Variants in SLC44A5 observed in about 807,000 individuals in gnomAD.
SLC44A5 encodes the protein solute carrier family 44 member 5.
In SLC44A5, 57 loss-of-function variants were observed where a neutral mutation model predicts 101.8. That is an observed-to-expected ratio of 0.56 (90% CI 0.45 to 0.70). SLC44A5 has a LOEUF of 0.70. Among genes scored for constraint, SLC44A5 ranks in the 30% least tolerant of loss-of-function variants. The probability of loss-of-function intolerance (pLI) is 0.00; values close to 1 mark genes in which losing one functional copy is unlikely to be tolerated. For synonymous variants in SLC44A5, 281 were observed against 290.9 expected (o/e 0.97, Z 0.35); for missense variants, 737 against 853.1 (o/e 0.86, Z 1.70).
At chr1:75,651,298 G>C in the SLC44A5 span, among the ~76,000 whole-genome samples, 1 of 152,116 alleles carries the variant, frequency 6.6e-6, no homozygotes, top group East Asian at 1.9e-4. Flanking sequence ...TATTTCTCTT[G>C]ACCCTGTAGC....
chr1:75,213,918 C>T lies in SLC44A5; in HGVS notation c.1873+1G>A. 1.3e-6 allele frequency: 2 copies of T among 1,578,090 alleles called. No homozygotes were observed. Among genetic ancestry groups the T allele is most frequent in the Non-Finnish European group, 1.7e-6 (2 of 1,154,662 alleles). On this transcript the variant is annotated splice_donor_variant, in intron 21 of 23. Coordinates refer to ENST00000370859, the MANE Select transcript of SLC44A5 (RefSeq NM_001130058.2). LOFTEE classifies it high-confidence loss of function. Reference sequence around the variant, plus strand: ...TTATTATTTTCATCATGATTACTTACCTATACTTCCAGCAACTAGAAGTTT... The same window carrying T: ...TTATTATTTTCATCATGATTACTTATCTATACTTCCAGCAACTAGAAGTTT...
At chr1:75,689,568 G>A in the SLC44A5 span, among the ~76,000 whole-genome samples, 3 of 152,186 alleles carry the variant, frequency 2.0e-5, no homozygotes, top group African/African-American at 7.2e-5. Context: ...AATAGTCAGG[G>A]AAATAACAAG....
intron 2 of SLC44A5, among the ~76,000 whole-genome samples, chr1:75,430,199 T>C (rs1664536879): frequency 6.6e-6 from 1 of 152,166 alleles, no homozygotes; most frequent in Admixed American, 6.5e-5. Context: ...AAGGGCTTAA[T>C]GAAGTGAGCT....
At chr1:75,675,520 G>A in the SLC44A5 span, among the ~76,000 whole-genome samples, 2 of 151,988 alleles carry the variant, frequency 1.3e-5, no homozygotes, top group African/African-American at 4.8e-5. Flanking sequence ...GGACTGAGAC[G>A]ATCACTCCCT....
intron 2 of SLC44A5, among the ~76,000 whole-genome samples, chr1:75,474,795 C>T (rs180782074): frequency 6.6e-6 from 1 of 152,202 alleles, no homozygotes; most frequent in East Asian, 1.9e-4. Flanking sequence ...AAAAACAATC[C>T]AGAAAATTCT....
intron 3 of SLC44A5, among the ~76,000 whole-genome samples, chr1:75,389,131 A>G (rs1013927320): frequency 2.0e-5 from 3 of 152,308 alleles, no homozygotes; most frequent in Middle Eastern, 6.8e-3. Flanking sequence ...AAAAAGACAT[A>G]TTTGCCCTAA....
chr1:75,615,696 G>T (rs902750820), upstream of SLC44A5, among the ~76,000 whole-genome samples: 2 of 152,056 alleles, frequency 1.3e-5, no homozygotes, highest in African/African-American at 2.4e-5. Context: ...AGGTGCAGCG[G>T]CGCCGCGGTT....
rs60108024 is a variant in SLC44A5 at position 75,352,391 on chromosome 1, T to TC, written c.53-12762dup. ...CCCAACAGGCCCAAGTGTGTGTTGT[T>TC]CCCCCCGATGTGTCCATGTGTTCTC... On this transcript the variant is annotated intron_variant, in intron 3 of 23. Coordinates refer to ENST00000370859, the MANE Select transcript of SLC44A5 (RefSeq NM_001130058.2). Among the ~76,000 whole-genome samples the TC allele has an allele frequency of 2.0e-3, 303 of 151,732 alleles. 2 individuals carry two copies. Among genetic ancestry groups the TC allele is most frequent in the African/African-American group, 7.0e-3 (289 of 41,340 alleles).
intron 4 of SLC44A5, among the ~76,000 whole-genome samples, chr1:75,306,827 C>T (rs1310626072): frequency 1.3e-5 from 2 of 149,994 alleles, no homozygotes; most frequent in East Asian, 2.0e-4. Flanking sequence ...CTCCGCCTCC[C>T]GGGTTCACGC....
intron 1 of SLC44A5, among the ~76,000 whole-genome samples, chr1:75,580,837 C>CAAAAAAA (rs11441546): frequency 8.6e-6 from 1 of 115,894 alleles, no homozygotes; most frequent in East Asian, 2.2e-4. Flanking sequence ...GACTCTGTCT[C>CAAAAAAA]AAAAAAAAAA....
In SLC44A5 at chr1:75,455,144, A is replaced by C. The variant is rs541255725; in HGVS notation, c.14-58523T>G. Among the ~76,000 whole-genome samples, 7 of 152,252 alleles carry C rather than the reference A, an allele frequency of 4.6e-5. No individual in the cohort carries two copies. In the East Asian group the frequency reaches 1.3e-3, roughly 29 times the overall value. Reference sequence around the variant, plus strand: ...CTATATTATAAGGTTGTAGTAACCAAAACAGCATGGTACAAAAACAGACAC... The same window carrying C: ...CTATATTATAAGGTTGTAGTAACCACAACAGCATGGTACAAAAACAGACAC... On this transcript the variant is annotated intron_variant, in intron 2 of 23. Coordinates refer to ENST00000370859, the MANE Select transcript of SLC44A5 (RefSeq NM_001130058.2).
chr1:75,390,789 A>G (rs893320771), intron 3 of SLC44A5, among the ~76,000 whole-genome samples: 9 of 152,176 alleles, frequency 5.9e-5, no homozygotes, highest in African/African-American at 2.2e-4. Context: ...AGAACAAGAC[A>G]AGGATCCTCA....
At chr1:75,450,716 G>A (rs1665857156) in intron 2 of SLC44A5, among the ~76,000 whole-genome samples, 1 of 152,142 alleles carries the variant, frequency 6.6e-6, no homozygotes. Flanking sequence ...TGATGAAGTG[G>A]GGCCCTCTCC....
In SLC44A5 at chr1:75,376,864, C is replaced by G. The variant is rs549699024; in HGVS notation, c.52+19719G>C. On this transcript the variant is annotated intron_variant, in intron 3 of 23. Coordinates refer to ENST00000370859, the MANE Select transcript of SLC44A5 (RefSeq NM_001130058.2). ...CAAGCTGAGAGCAGAAGGCTTCAGACGATCAAATTACTCTGAGCTACGGGA... is the reference window on the plus strand; with the variant it reads ...CAAGCTGAGAGCAGAAGGCTTCAGAGGATCAAATTACTCTGAGCTACGGGA... 3.4e-3 allele frequency among the ~76,000 whole-genome samples: 515 copies of G among 152,180 alleles called. 2 individuals carry two copies. Among genetic ancestry groups the G allele is most frequent in the African/African-American group, 0.011 (475 of 41,498 alleles).
At chr1:75,668,315 CTTT>C in the SLC44A5 span, among the ~76,000 whole-genome samples, 3 of 65,086 alleles carry the variant, frequency 4.6e-5, no homozygotes, top group East Asian at 1.1e-3. Flanking sequence ...TCCTAGGAGC[CTTT>C]TTTTTTTTTT....
At chr1:75,687,842 T>C in the SLC44A5 span, among the ~76,000 whole-genome samples, 6 of 152,168 alleles carry the variant, frequency 3.9e-5, no homozygotes, top group African/African-American at 1.4e-4. Context: ...CCTATGGGCA[T>C]TTGGGGAGCT....
chr1:75,718,421 A>C, the SLC44A5 span, among the ~76,000 whole-genome samples: 2 of 152,228 alleles, frequency 1.3e-5, no homozygotes, highest in South Asian at 4.1e-4. Context: ...TGTGGACTAC[A>C]GAATTTCTAC....
chr1:75,650,431 A>G, the SLC44A5 span, among the ~76,000 whole-genome samples: 1 of 152,350 alleles, frequency 6.6e-6, no homozygotes, highest in East Asian at 1.9e-4. Flanking sequence ...CAATTGCCAA[A>G]TTCCAGAAGG....
At chr1:75,213,622 GA>G (rs1646902193) in intron 22 of SLC44A5, 82 bp downstream of exon 22, 1 of 1,017,504 alleles carries the variant, frequency 9.8e-7, no homozygotes, top group East Asian at 2.4e-5. Context: ...GAACTGTGAG[GA>G]ATAAATTTCT....
Sources: gnomAD v4.1 joint callset for allele counts (sites outside exome capture counted in the v4.1 genomes callset) on GRCh38, gnomAD v4.1.1 for gene constraint, MANE v1.5 for transcripts, NCBI Gene and HGNC (gene_info 2026-07-23, HGNC 2026-07-21) for gene names.